OPRM1: variants seen among roughly 807,000 people sequenced by gnomAD.
OPRM1 encodes opioid receptor mu 1, also known as mu-type opioid receptor.
OPRM1 carries 27 observed loss-of-function variants against 31.8 expected under a neutral mutation model. The observed-to-expected ratio is 0.85, with a 90% CI of 0.63 to 1.17. OPRM1 has a LOEUF of 1.17. Ranked by LOEUF, OPRM1 falls within the 50% of genes most tolerant of loss-of-function variation. The probability of loss-of-function intolerance (pLI) is 0.00; values close to 1 mark genes in which losing one functional copy is unlikely to be tolerated. For missense variants in OPRM1, 536 were observed against 511.1 expected, an observed-to-expected ratio of 1.05 and a Z score of -0.47; for synonymous variants, 196 against 189.9, an observed-to-expected ratio of 1.03 and a Z score of -0.26.
At chr6:154,204,087 T>G (rs938472210) in intron 3 of OPRM1, among the ~76,000 whole-genome samples, 17 of 152,230 alleles carry the variant, frequency 1.1e-4, no homozygotes, top group African/African-American at 4.1e-4. Context: ...ATGAGGAAGT[T>G]AAAGACATTT....
chr6:154,037,258 T>A (rs1303966789), upstream of OPRM1, among the ~76,000 whole-genome samples: 1 of 151,854 alleles, frequency 6.6e-6, no homozygotes, highest in Non-Finnish European at 1.5e-5. Context: ...CCAAAGCAGA[T>A]CTTTAGTATT....
Position 154,120,880 on chromosome 6 carries a change from T to A in OPRM1, c.*2159T>A, listed in dbSNP as rs1797261293. 1.3e-5 allele frequency among the ~76,000 whole-genome samples: 2 copies of A among 152,212 alleles called. No homozygotes were observed. On this transcript the variant is annotated 3_prime_UTR_variant, in exon 4 of 4. Transcript: ENST00000330432. ...AATGTCATGTGTGTGAACAAGTTTCTTCCATGTCATCTTTGAGACTCTACA... is the reference window on the plus strand; with the variant it reads ...AATGTCATGTGTGTGAACAAGTTTCATCCATGTCATCTTTGAGACTCTACA...
rs1462297722 is a variant in OPRM1, at chr6:154,119,720, CA to C, written c.*1001del. Among the ~76,000 whole-genome samples, 1 of 152,036 alleles carries C rather than the reference CA, an allele frequency of 6.6e-6. No individual in the cohort carries two copies. Among genetic ancestry groups the C allele is most frequent in the Non-Finnish European group, 1.5e-5 (1 of 67,996 alleles). On this transcript the variant is annotated 3_prime_UTR_variant, in exon 4 of 4. Transcript: ENST00000330432. ...CAGAACAGTTTAAACTTTTTTTAAACAATAAATCCAATAAACATAATCTCAA... is the reference window on the plus strand; with the variant it reads ...CAGAACAGTTTAAACTTTTTTTAAACATAAATCCAATAAACATAATCTCAA...
At chr6:154,022,958 G>A (rs1012647441) in intron 1 of OPRM1, among the ~76,000 whole-genome samples, 2 of 152,118 alleles carry the variant, frequency 1.3e-5, no homozygotes, top group Admixed American at 1.3e-4. Context: ...CTTTAGCTCT[G>A]TAGTACAATT....
downstream of OPRM1, among the ~76,000 whole-genome samples, chr6:154,133,047 G>C (rs1797966069): frequency 6.6e-6 from 1 of 151,914 alleles, no homozygotes; most frequent in Non-Finnish European, 1.5e-5. Context: ...TGTGAACCCG[G>C]GAGGCGGAGC....
At chr6:154,176,838 C>A (rs1395739704) in intron 3 of OPRM1, among the ~76,000 whole-genome samples, 1 of 151,558 alleles carries the variant, frequency 6.6e-6, no homozygotes, top group Non-Finnish European at 1.5e-5. Flanking sequence ...CCAAGACAAT[C>A]CTGAGCAAAA....
At chr6:154,052,285 T>C (rs1782373668) in intron 1 of OPRM1, among the ~76,000 whole-genome samples, 1 of 152,178 alleles carries the variant, frequency 6.6e-6, no homozygotes, top group Non-Finnish European at 1.5e-5. Flanking sequence ...GTGGCACAAG[T>C]ATACCTGTGT....
intron 3 of OPRM1, among the ~76,000 whole-genome samples, chr6:154,240,209 A>T (rs1249497324): frequency 6.6e-6 from 1 of 152,246 alleles, no homozygotes; most frequent in Non-Finnish European, 1.5e-5. Context: ...GTAATGTAAT[A>T]ATTAAGCAAT....
upstream of OPRM1, among the ~76,000 whole-genome samples, chr6:154,037,205 G>A (rs1468431984): frequency 6.6e-6 from 1 of 151,954 alleles, no homozygotes; most frequent in Non-Finnish European, 1.5e-5. Flanking sequence ...AAACACTATT[G>A]TATCCATCTT....
chr6:154,145,672 A>T (rs1454198440), intron 3 of OPRM1, among the ~76,000 whole-genome samples: 1 of 152,270 alleles, frequency 6.6e-6, no homozygotes, highest in Non-Finnish European at 1.5e-5. Context: ...TAAAATAGCT[A>T]AAACATTTTG....
rs566176701 is a variant in OPRM1, at chr6:154,109,608, C to G, written c.1165-9075C>G. Reference sequence around the variant, plus strand: ...TTTCAGTTTTCACACGCTCTACCAGCTTCTTGTAGAACACTACTAAAGTGA... The same window carrying G: ...TTTCAGTTTTCACACGCTCTACCAGGTTCTTGTAGAACACTACTAAAGTGA... On this transcript the variant is annotated intron_variant, in intron 3 of 3. Transcript: ENST00000330432. 3.9e-5 allele frequency among the ~76,000 whole-genome samples: 6 copies of G among 152,268 alleles called. No homozygotes were observed. In the South Asian group the frequency reaches 1.2e-3, roughly 32 times the overall value.
rs1213546951 is a variant in OPRM1 at position 154,121,389 on chromosome 6, G to A, written c.*2668G>A. On this transcript the variant is annotated 3_prime_UTR_variant, in exon 4 of 4. Transcript: ENST00000330432. Reference sequence around the variant, plus strand: ...AGGAAAGAGACTCGCTGGAGCACTGGTGAGTCTCTAGGACCCTGCTATCCT... The same window carrying A: ...AGGAAAGAGACTCGCTGGAGCACTGATGAGTCTCTAGGACCCTGCTATCCT... 6.6e-6 allele frequency among the ~76,000 whole-genome samples: 1 copy of A among 152,180 alleles called. No individual in the cohort carries two copies. Among genetic ancestry groups the A allele is most frequent in the African/African-American group, 2.4e-5 (1 of 41,450 alleles).
intron 3 of OPRM1, among the ~76,000 whole-genome samples, chr6:154,212,544 G>A (rs146184374): frequency 6.0e-4 from 91 of 152,258 alleles, no homozygotes; most frequent in African/African-American, 2.1e-3. Context: ...CTCTGAGTAC[G>A]GTACATCTTC....
chr6:154,067,934 A>C (rs557782907), intron 1 of OPRM1, among the ~76,000 whole-genome samples: 13 of 152,104 alleles, frequency 8.5e-5, no homozygotes, highest in Non-Finnish European at 1.9e-4. Flanking sequence ...ATTACAAATT[A>C]TTTTTGCAAT....
chr6:154,110,838 G>C (rs1225118307), intron 3 of OPRM1, among the ~76,000 whole-genome samples: 1 of 136,672 alleles, frequency 7.3e-6, no homozygotes, highest in Non-Finnish European at 1.5e-5. Flanking sequence ...AGTGAGCAGA[G>C]ATCGCGCCAC....
intron 3 of OPRM1, among the ~76,000 whole-genome samples, chr6:154,179,029 G>A (rs17085137): frequency 0.019 from 2,854 of 152,294 alleles, 78 homozygotes; most frequent in African/African-American, 0.064. Flanking sequence ...GGGATGCACT[G>A]TGCCCCAGGT....
chr6:154,176,924 A>G (rs557753459), intron 3 of OPRM1, among the ~76,000 whole-genome samples: 6 of 152,316 alleles, frequency 3.9e-5, no homozygotes, highest in African/African-American at 1.4e-4. Context: ...ACAGCATGAC[A>G]CTGGTACTAA....
downstream of OPRM1, among the ~76,000 whole-genome samples, chr6:154,133,070 G>A (rs890053027): frequency 1.3e-5 from 2 of 149,224 alleles, no homozygotes; most frequent in African/African-American, 2.5e-5. Flanking sequence ...GCAGTGAGCC[G>A]AAATTGTGCC....
chr6:154,019,019 A>T (rs930798535), intron 1 of OPRM1, among the ~76,000 whole-genome samples: 1 of 152,046 alleles, frequency 6.6e-6, no homozygotes, highest in African/African-American at 2.4e-5. Flanking sequence ...GGTACATGGT[A>T]TGTTTTGATA....
Sources: allele counts gnomAD v4.1 joint callset (sites outside exome capture counted in the v4.1 genomes callset), GRCh38; gene constraint gnomAD v4.1.1; transcripts MANE v1.5; gene names NCBI Gene and HGNC (gene_info 2026-07-23, HGNC 2026-07-21).